RNLS: variants seen among roughly 807,000 people sequenced by gnomAD.
RNLS encodes renalase.
RNLS carries 39 observed loss-of-function variants against 39.8 expected under a neutral mutation model. The ratio of observed to expected loss-of-function variants is 0.98; its 90% CI spans 0.76 to 1.28. The LOEUF (loss-of-function observed/expected upper bound fraction) is 1.28. Among genes scored for constraint, RNLS ranks in the 50% most tolerant of loss-of-function variants. RNLS has a pLI of 0.00. For synonymous variants in RNLS, 147 were observed against 150.7 expected, an observed-to-expected ratio of 0.98 and a Z score of 0.18; for missense variants, 410 against 413.3, an observed-to-expected ratio of 0.99 and a Z score of 0.07.
chr10:88,305,282 A>T (rs1844836605), intron 6 of RNLS, among the ~76,000 whole-genome samples: 1 of 152,172 alleles, frequency 6.6e-6, no homozygotes, highest in Non-Finnish European at 1.5e-5. Context: ...TAAAGCAACC[A>T]CATAAACAAG....
At chr10:88,464,677 C>T (rs970284638) in intron 4 of RNLS, among the ~76,000 whole-genome samples, 2 of 151,976 alleles carry the variant, frequency 1.3e-5, no homozygotes, top group African/African-American at 4.8e-5. Flanking sequence ...GAGCAGAAAC[C>T]TCTGTGGTAA....
intron 4 of RNLS, among the ~76,000 whole-genome samples, chr10:88,514,174 C>T (rs1345231427): frequency 6.6e-6 from 1 of 151,162 alleles, no homozygotes; most frequent in Non-Finnish European, 1.5e-5. Flanking sequence ...GCTGGGGAGG[C>T]CTCAGGAAAC....
intron 5 of RNLS, among the ~76,000 whole-genome samples, chr10:88,355,876 G>C (rs1849131646): frequency 6.6e-6 from 1 of 152,222 alleles, no homozygotes; most frequent in Non-Finnish European, 1.5e-5. Flanking sequence ...CGAGCTTCCA[G>C]ATCGCTTTGT....
chr10:88,293,082 A>G (rs1171701335), intron 6 of RNLS, among the ~76,000 whole-genome samples: 2 of 151,990 alleles, frequency 1.3e-5, no homozygotes, highest in African/African-American at 4.8e-5. Context: ...AAAAATTTTC[A>G]TCCACTCCAA....
intron 4 of RNLS, among the ~76,000 whole-genome samples, chr10:88,558,275 C>G (rs545673350): frequency 3.9e-5 from 6 of 152,070 alleles, no homozygotes; most frequent in Non-Finnish European, 7.4e-5. Flanking sequence ...AGCTAGAGAG[C>G]CTTAAGCAAG....
At chr10:88,465,413 C>T (rs1843148495) in intron 4 of RNLS, among the ~76,000 whole-genome samples, 2 of 152,040 alleles carry the variant, frequency 1.3e-5, no homozygotes, top group African/African-American at 4.8e-5. Context: ...AGTCTCTGAA[C>T]CCAAAGAGCT....
At chr10:88,458,680 G>A (rs1201411325) in intron 4 of RNLS, among the ~76,000 whole-genome samples, 1 of 152,098 alleles carries the variant, frequency 6.6e-6, no homozygotes, top group East Asian at 1.9e-4. Flanking sequence ...TCCCTACAGG[G>A]TCGAGAAGAA....
At chr10:88,449,499 T>G (rs1842244004) in intron 4 of RNLS, among the ~76,000 whole-genome samples, 1 of 152,242 alleles carries the variant, frequency 6.6e-6, no homozygotes, top group Admixed American at 6.5e-5. Context: ...TATCTTGGTT[T>G]TAACTTTCCA....
At chr10:88,279,718 T>C (rs1238576442), downstream of RNLS, among the ~76,000 whole-genome samples, 1 of 152,218 alleles carries the variant, frequency 6.6e-6, no homozygotes, top group Non-Finnish European at 1.5e-5. Flanking sequence ...ATTCAGCACA[T>C]ATGGTTGCTA....
Position 88,285,344 on chromosome 10 carries a change from G to T in RNLS, c.*10C>A. On this transcript the variant is annotated 3_prime_UTR_variant, in exon 7 of 7. Transcript: ENST00000331772. ...ACCCAATACACATGTAGAGAATAAG[G>T]ATATAGGCACTAAATATAATTCTTT... 1 of 1,607,984 alleles carries T rather than the reference G, an allele frequency of 6.2e-7. No homozygotes were observed. Among genetic ancestry groups the T allele is most frequent in the East Asian group, 2.2e-5 (1 of 44,662 alleles).
the RNLS span, among the ~76,000 whole-genome samples, chr10:88,203,772 A>G: frequency 6.6e-6 from 1 of 151,146 alleles, no homozygotes; most frequent in Non-Finnish European, 1.5e-5. Flanking sequence ...TATTTATTAT[A>G]AAATAATATT....
At chr10:88,541,062 T>C (rs1364256311) in intron 4 of RNLS, among the ~76,000 whole-genome samples, 1 of 150,926 alleles carries the variant, frequency 6.6e-6, no homozygotes, top group East Asian at 1.9e-4. Flanking sequence ...ATGTAAAAAA[T>C]GTCAACTTCT....
intron 4 of RNLS, among the ~76,000 whole-genome samples, chr10:88,519,798 G>A (rs914254680): frequency 6.7e-6 from 1 of 150,004 alleles, no homozygotes; most frequent in South Asian, 2.1e-4. Context: ...TCCTGCACTA[G>A]GTATCCCCCA....
intron 4 of RNLS, among the ~76,000 whole-genome samples, chr10:88,489,992 T>C (rs190607736): frequency 1.1e-3 from 173 of 152,278 alleles, no homozygotes; most frequent in African/African-American, 4.0e-3. Context: ...ACCAGCTGTA[T>C]TGGCAAATTG....
chr10:88,433,036 A>T (rs1302897867), intron 4 of RNLS, among the ~76,000 whole-genome samples: 1 of 152,088 alleles, frequency 6.6e-6, no homozygotes, highest in Non-Finnish European at 1.5e-5. Context: ...AATAGCTGGC[A>T]CTTAAAATAA....
the RNLS span, among the ~76,000 whole-genome samples, chr10:88,231,207 G>T: frequency 6.6e-6 from 1 of 152,282 alleles, no homozygotes; most frequent in Admixed American, 6.5e-5. Context: ...AGGCAATTAA[G>T]GTTAAATGAG....
At chr10:88,547,297 A>G (rs1035313640) in intron 4 of RNLS, among the ~76,000 whole-genome samples, 1 of 152,210 alleles carries the variant, frequency 6.6e-6, no homozygotes. Flanking sequence ...CATGTGTGCA[A>G]GTGCATCCAT....
intron 4 of RNLS, among the ~76,000 whole-genome samples, chr10:88,529,289 T>G (rs1379174922): frequency 6.6e-6 from 1 of 152,122 alleles, no homozygotes; most frequent in Non-Finnish European, 1.5e-5. Context: ...TACCATAAAT[T>G]GTATAGGGGC....
chr10:88,309,585 G>T (rs571189962), intron 6 of RNLS: 2 of 579,656 alleles, frequency 3.5e-6, no homozygotes, highest in South Asian at 3.1e-5. Context: ...GCTGGAAAAG[G>T]CCTGAAGGAG....
Sources: allele counts gnomAD v4.1 joint callset (sites outside exome capture counted in the v4.1 genomes callset), GRCh38; gene constraint gnomAD v4.1.1; transcripts MANE v1.5; gene names NCBI Gene and HGNC (gene_info 2026-07-23, HGNC 2026-07-21).